Variants in STK3 observed in about 807,000 individuals in gnomAD.
STK3 encodes serine/threonine kinase 3.
A neutral mutation model predicts 58.0 loss-of-function variants in STK3; 41 were observed. The ratio of observed to expected loss-of-function variants is 0.71; its 90% confidence interval spans 0.55 to 0.92. The LOEUF is 0.92. Among genes scored for constraint, STK3 ranks in the 40% least tolerant of loss-of-function variants. The probability of loss-of-function intolerance (pLI) is 0.00; values close to 1 mark genes in which losing one functional copy is unlikely to be tolerated. For synonymous variants in STK3, 170 were observed against 191.0 expected (o/e 0.89, Z 0.91); for missense variants, 479 against 602.7 (o/e 0.79, Z 2.15).
chr8:98,926,408 A>G (rs575100324), intron 1 of STK3, among the ~76,000 whole-genome samples: 21 of 152,326 alleles, frequency 1.4e-4, no homozygotes, highest in Middle Eastern at 3.4e-3. Context: ...ATGCAAACAT[A>G]TGGAATACGG....
intron 3 of STK3, among the ~76,000 whole-genome samples, chr8:98,864,230 A>G (rs951549355): frequency 6.0e-5 from 9 of 149,692 alleles, no homozygotes; most frequent in African/African-American, 2.2e-4. Context: ...AAAAAGTCTC[A>G]ATCAGCTGGA....
At chr8:98,651,666 G>A (rs1027622719) in intron 6 of STK3, 6 of 152,320 alleles carry the variant, frequency 3.9e-5, no homozygotes, top group Non-Finnish European at 8.8e-5. Flanking sequence ...GGAGCTGAAA[G>A]CCAAGGCTCG....
intron 6 of STK3, among the ~76,000 whole-genome samples, chr8:98,705,241 C>T (rs984344790): frequency 4.6e-5 from 7 of 151,882 alleles, no homozygotes; most frequent in African/African-American, 1.2e-4. Context: ...GGCAACATGG[C>T]GACACCTTGT....
chr8:98,401,037 C>G (rs1227604401), downstream of STK3, among the ~76,000 whole-genome samples: 1 of 152,122 alleles, frequency 6.6e-6, no homozygotes, highest in African/African-American at 2.4e-5. Flanking sequence ...ATTGACTGTG[C>G]AACTTCCAAA....
At chr8:98,468,213 A>G (rs1040235998) in intron 10 of STK3, among the ~76,000 whole-genome samples, 4 of 152,246 alleles carry the variant, frequency 2.6e-5, no homozygotes, top group Non-Finnish European at 5.9e-5. Flanking sequence ...AAAACACTTC[A>G]AAAGAAAAAA....
At chr8:98,764,391 TGAACAGGTGCTAA>T in intron 3 of STK3, among the ~76,000 whole-genome samples, 1 of 152,304 alleles carries the variant, frequency 6.6e-6, no homozygotes, top group East Asian at 1.9e-4. Context: ...TGCTAGGCGC[TGAACAGGTGCTAA>T]TAAAGAAAAA....
chr8:98,581,029 A>G (rs1446051260), intron 7 of STK3, among the ~76,000 whole-genome samples: 1 of 152,250 alleles, frequency 6.6e-6, no homozygotes, highest in Non-Finnish European at 1.5e-5. Flanking sequence ...TATCTGTGGT[A>G]GAGACTCCTG....
chr8:98,813,049 A>AG (rs397949630), intron 1 of STK3, among the ~76,000 whole-genome samples: 1 of 151,740 alleles, frequency 6.6e-6, no homozygotes, highest in African/African-American at 2.4e-5. Context: ...AAAAAAAAAA[A>AG]GAAAGTGATG....
intron 1 of STK3, chr8:98,904,787 C>T (rs1587828194): frequency 1.5e-6 from 1 of 672,902 alleles, no homozygotes; most frequent in Non-Finnish European, 2.8e-6. Context: ...AAGTGGTGGC[C>T]GGAGCGGCAG....
chr8:98,738,812 G>T (rs1828881232), intron 4 of STK3, among the ~76,000 whole-genome samples: 1 of 152,178 alleles, frequency 6.6e-6, no homozygotes, highest in Non-Finnish European at 1.5e-5. Flanking sequence ...GAAGCGCAAG[G>T]GGTTCAGGGA....
Position 98,621,906 on chromosome 8 carries a change from G to C in STK3, c.685-25737C>G, listed in dbSNP as rs559662960. ...GACACATGAGAAAAACCTTCTTGTT[G>C]CAAGTAAAATATATCTGTGGCTGAG... On this transcript the variant is annotated intron_variant, in intron 6 of 10. Transcript: ENST00000419617. 9.9e-5 allele frequency among the ~76,000 whole-genome samples: 15 copies of C among 151,704 alleles called. No individual in the cohort carries two copies. In the East Asian group the frequency reaches 2.5e-3, roughly 25 times the overall value.
At chr8:98,654,346 A>T (rs1046299030) in intron 6 of STK3, among the ~76,000 whole-genome samples, 3 of 152,142 alleles carry the variant, frequency 2.0e-5, no homozygotes, top group African/African-American at 7.2e-5. Context: ...AAATAATAAG[A>T]GCTATCTATG....
chr8:98,697,015 A>G (rs1000197420), intron 6 of STK3, among the ~76,000 whole-genome samples: 16 of 152,184 alleles, frequency 1.1e-4, no homozygotes, highest in African/African-American at 3.9e-4. Flanking sequence ...TAAGCTATTG[A>G]CTATTGCCAC....
intron 9 of STK3, among the ~76,000 whole-genome samples, chr8:98,530,278 C>T (rs538110924): frequency 2.7e-4 from 41 of 152,122 alleles, no homozygotes; most frequent in African/African-American, 9.6e-4. Context: ...AAGCCTAGTA[C>T]CCATTTGTTT....
At chr8:98,566,911 A>C (rs1432518725) in intron 8 of STK3, among the ~76,000 whole-genome samples, 1 of 152,248 alleles carries the variant, frequency 6.6e-6, no homozygotes, top group Non-Finnish European at 1.5e-5. Context: ...ATCCTAAAAG[A>C]AAGTCAGTTC....
At chr8:98,842,205 G>C (rs142881900) in intron 3 of STK3, among the ~76,000 whole-genome samples, 1 of 152,050 alleles carries the variant, frequency 6.6e-6, no homozygotes, top group Admixed American at 6.6e-5. Flanking sequence ...AATTCTCCTT[G>C]AATTAATATA....
At chr8:98,376,207 A>G (rs1817672993) in intron 2 of STK3, among the ~76,000 whole-genome samples, 2 of 152,138 alleles carry the variant, frequency 1.3e-5, no homozygotes, top group South Asian at 4.1e-4. Flanking sequence ...TGTATTTGTC[A>G]TTTTTATTTC....
At position 98,741,524 on chromosome 8, in the gene STK3, A is replaced by G. The variant is rs563200089; in HGVS notation, c.351+7752T>C. On this transcript the variant is annotated intron_variant, in intron 4 of 10. Coordinates refer to ENST00000419617, the MANE Select transcript of STK3 (RefSeq NM_006281.4). ...GGTACATAATGAAACGAAGGCAGAA[A>G]TAAAGATGGTCTTTAAAACCAATGA... Among the ~76,000 whole-genome samples, 1,320 of 152,340 alleles carry G rather than the reference A, an allele frequency of 8.7e-3. 10 individuals carry two copies. Among genetic ancestry groups the G allele is most frequent in the African/African-American group, 0.03 (1,244 of 41,572 alleles).
chr8:98,699,207 C>G, intron 6 of STK3, among the ~76,000 whole-genome samples: 1 of 152,010 alleles, frequency 6.6e-6, no homozygotes, highest in Non-Finnish European at 1.5e-5. Context: ...TGGCTTTCAG[C>G]TCCATCAGCT....
Sources: gnomAD v4.1 joint callset for allele counts (sites outside exome capture counted in the v4.1 genomes callset) on GRCh38, gnomAD v4.1.1 for gene constraint, MANE v1.5 for transcripts, NCBI Gene and HGNC (gene_info 2026-07-23, HGNC 2026-07-21) for gene names.